CNTNAP5: variants seen among roughly 807,000 people sequenced by gnomAD.
CNTNAP5 encodes contactin associated protein family member 5.
Under a neutral mutation model 150.2 loss-of-function variants are expected in CNTNAP5, and 72 were observed. That is an observed-to-expected ratio of 0.48 (90% CI 0.40 to 0.58). The LOEUF is 0.58. CNTNAP5 is among the 20% of genes least tolerant of loss of function. The probability of loss-of-function intolerance (pLI) is 0.00; values close to 1 mark genes in which losing one functional copy is unlikely to be tolerated. For synonymous variants in CNTNAP5, 672 were observed against 619.8 expected (o/e 1.08, Z -1.25); for missense variants, 1,636 against 1,626.2 (o/e 1.01, Z -0.10).
chr2:124,762,403 T>C (rs993767751), intron 14 of CNTNAP5, among the ~76,000 whole-genome samples: 2 of 152,002 alleles, frequency 1.3e-5, no homozygotes, highest in African/African-American at 4.8e-5. Context: ...TAATATAAGC[T>C]CTCCAATACA....
chr2:124,903,179 G>C lies in CNTNAP5; in HGVS notation c.3655+79G>C, dbSNP rs1237313431. ...GTCTTCAAGAAGCTTCCAGATTAAA[G>C]AGTTGGCTAATGTGACTCAGTTTTT... On this transcript the variant is annotated intron_variant, in intron 22 of 23. Coordinates refer to ENST00000682447, the MANE Select transcript of CNTNAP5 (RefSeq NM_001367498.1). The C allele has an allele frequency of 3.2e-6, 3 of 934,498 alleles. No individual in the cohort carries two copies. In the African/African-American group the frequency reaches 5.0e-5, roughly 15 times the overall value. The allele number at this position is 934,498 out of a possible 1,614,324, so 57.9% of individuals were successfully genotyped here.
intron 3 of CNTNAP5, among the ~76,000 whole-genome samples, chr2:124,379,438 C>A (rs1349036664): frequency 6.6e-6 from 1 of 152,132 alleles, no homozygotes; most frequent in Non-Finnish European, 1.5e-5. Context: ...GCCCCTTTCA[C>A]TTGTCAATAT....
Position 124,188,217 on chromosome 2 carries a change from A to G in CNTNAP5, c.83-33488A>G, listed in dbSNP as rs550185209. ...TTTTACATGAGAAGAAGAGGTATCA[A>G]CGATTCACCATAGAAAACAAAAGAT... On this transcript the variant is annotated intron_variant, in intron 1 of 23. Transcript: ENST00000682447. Among the ~76,000 whole-genome samples, 32 of 152,302 alleles carry G rather than the reference A, an allele frequency of 2.1e-4. 1 individual carries two copies. In the South Asian group the frequency reaches 6.6e-3, roughly 32 times the overall value.
chr2:124,724,218 G>T (rs1680108236), intron 13 of CNTNAP5, among the ~76,000 whole-genome samples: 1 of 151,846 alleles, frequency 6.6e-6, no homozygotes, highest in South Asian at 2.1e-4. Context: ...GCATTCTGAG[G>T]TGCTGCATGT....
intron 13 of CNTNAP5, among the ~76,000 whole-genome samples, chr2:124,737,346 G>T (rs1340929903): frequency 6.6e-6 from 1 of 151,996 alleles, no homozygotes; most frequent in Admixed American, 6.6e-5. Flanking sequence ...TTTGGATAGG[G>T]TTAACTGGAA....
At chr2:124,506,138 C>T (rs1694401875) in intron 8 of CNTNAP5, among the ~76,000 whole-genome samples, 1 of 150,506 alleles carries the variant, frequency 6.6e-6, no homozygotes, top group South Asian at 2.1e-4. Context: ...ATTCAGGTTG[C>T]CCTGAATGTA....
At chr2:124,485,843 C>T (rs1313572671) in intron 7 of CNTNAP5, among the ~76,000 whole-genome samples, 5 of 151,954 alleles carry the variant, frequency 3.3e-5, no homozygotes, top group Non-Finnish European at 7.4e-5. Context: ...CACCCTGCAG[C>T]GGCCCTCTAG....
At chr2:124,909,884 T>C (rs2104767331) in intron 22 of CNTNAP5, among the ~76,000 whole-genome samples, 1 of 147,364 alleles carries the variant, frequency 6.8e-6, no homozygotes, top group African/African-American at 2.5e-5. Flanking sequence ...TGTATGCATG[T>C]ATGTAGGTCA....
intron 21 of CNTNAP5, among the ~76,000 whole-genome samples, chr2:124,879,933 C>G (rs1677933244): frequency 6.6e-6 from 1 of 152,024 alleles, no homozygotes; most frequent in African/African-American, 2.4e-5. Flanking sequence ...CCCTCTGAAG[C>G]TTGGTGAGAA....
chr2:124,203,624 C>G (rs2104713296), intron 1 of CNTNAP5, among the ~76,000 whole-genome samples: 1 of 152,312 alleles, frequency 6.6e-6, no homozygotes, highest in African/African-American at 2.4e-5. Context: ...CAGAGGTTCC[C>G]AAACCTCAAA....
At chr2:124,643,941 G>A (rs58538813) in intron 12 of CNTNAP5, among the ~76,000 whole-genome samples, 2,020 of 152,324 alleles carry the variant, frequency 0.013, 44 homozygotes, top group African/African-American at 0.045. Flanking sequence ...CATTGAAGAA[G>A]TAATAATTTC....
intron 19 of CNTNAP5, among the ~76,000 whole-genome samples, chr2:124,857,075 G>C (rs1030992934): frequency 1.3e-5 from 2 of 152,102 alleles, no homozygotes; most frequent in Non-Finnish European, 2.9e-5. Flanking sequence ...GGTTTCCACT[G>C]TATTCCTTGG....
intron 5 of CNTNAP5, among the ~76,000 whole-genome samples, chr2:124,445,068 A>C (rs1692779692): frequency 6.7e-6 from 1 of 150,004 alleles, no homozygotes; most frequent in Non-Finnish European, 1.5e-5. Context: ...GCTCAGGTGG[A>C]TCACACAAAT....
At chr2:124,681,159 G>T (rs539269586) in intron 13 of CNTNAP5, among the ~76,000 whole-genome samples, 1 of 149,596 alleles carries the variant, frequency 6.7e-6, no homozygotes, top group African/African-American at 2.4e-5. Context: ...AAAATTAGCC[G>T]GGCATGGTGG....
intron 3 of CNTNAP5, among the ~76,000 whole-genome samples, chr2:124,264,277 C>T (rs1249589892): frequency 6.6e-6 from 1 of 151,902 alleles, no homozygotes; most frequent in Non-Finnish European, 1.5e-5. Context: ...AACAAATGGC[C>T]ACTTCCTGTA....
At chr2:124,393,812 T>C (rs954247029) in intron 3 of CNTNAP5, among the ~76,000 whole-genome samples, 1 of 152,232 alleles carries the variant, frequency 6.6e-6, no homozygotes, top group African/African-American at 2.4e-5. Context: ...AACAGGGATA[T>C]GGTTTTACTT....
At chr2:124,757,248 T>C (rs1680859723) in intron 14 of CNTNAP5, among the ~76,000 whole-genome samples, 1 of 152,164 alleles carries the variant, frequency 6.6e-6, no homozygotes. Context: ...CCATGGGTAA[T>C]CTCAGGGAAT....
rs762901729 is a variant in CNTNAP5 at position 124,306,719 on chromosome 2, C to CTTT, written c.381+64349_381+64351dup. 6.1e-3 allele frequency among the ~76,000 whole-genome samples: 389 copies of CTTT among 64,112 alleles called. 2 individuals are homozygous for CTTT. Among genetic ancestry groups the CTTT allele is most frequent in the African/African-American group, 6.9e-3 (111 of 16,002 alleles). The allele number at this position is 64,112 out of a possible 152,430, so 42.1% of individuals were successfully genotyped here. On this transcript the variant is annotated intron_variant, in intron 3 of 23. Coordinates refer to ENST00000682447, the MANE Select transcript of CNTNAP5 (RefSeq NM_001367498.1). ...AAACTTGGTTTCTCTCTCTCTCTTT[C>CTTT]TTTTTTTTTTTTTTTTTTTTTTTTT...
chr2:124,644,965 T>C (rs1437148983), intron 12 of CNTNAP5, among the ~76,000 whole-genome samples: 2 of 152,214 alleles, frequency 1.3e-5, no homozygotes, highest in East Asian at 3.9e-4. Context: ...GGAGATAATA[T>C]ATGCTAAATG....
Sources: gnomAD v4.1 joint callset for allele counts (sites outside exome capture counted in the v4.1 genomes callset) on GRCh38, gnomAD v4.1.1 for gene constraint, MANE v1.5 for transcripts, NCBI Gene and HGNC (gene_info 2026-07-23, HGNC 2026-07-21) for gene names.